Variants in ATG4B observed in about 807,000 individuals in gnomAD.
The protein encoded by ATG4B is autophagy related 4B cysteine peptidase.
ATG4B carries 29 observed loss-of-function variants against 56.6 expected under a neutral mutation model. The ratio of observed to expected loss-of-function variants is 0.51; its 90% CI spans 0.38 to 0.70. ATG4B has a LOEUF of 0.70. Ranked by LOEUF, ATG4B falls within the 30% of genes least tolerant of loss-of-function variation. The probability of loss-of-function intolerance (pLI) is 0.00; values close to 1 mark genes in which losing one functional copy is unlikely to be tolerated. For missense variants in ATG4B, 461 were observed against 515.5 expected (o/e 0.89, Z 1.02); for synonymous variants, 224 against 206.1 (o/e 1.09, Z -0.74).
chr2:241,639,014 G>A (rs796343408), intron 1 of ATG4B, among the ~76,000 whole-genome samples: 155 of 152,288 alleles, frequency 1.0e-3, no homozygotes, highest in African/African-American at 3.6e-3. Context: ...GTCCAGGCTC[G>A]CCGCAGGAGA....
chr2:241,666,203 T>C (rs962813802), intron 7 of ATG4B, among the ~76,000 whole-genome samples: 1 of 152,154 alleles, frequency 6.6e-6, no homozygotes, highest in Non-Finnish European at 1.5e-5. Flanking sequence ...CACCCTCCGG[T>C]TGATGTGTCC....
At chr2:241,656,140 C>G (rs1202042137) in intron 6 of ATG4B, among the ~76,000 whole-genome samples, 1 of 152,164 alleles carries the variant, frequency 6.6e-6, no homozygotes, top group Non-Finnish European at 1.5e-5. Flanking sequence ...GTATCCCACT[C>G]AAGGCCCTCA....
intron 7 of ATG4B, among the ~76,000 whole-genome samples, chr2:241,662,585 A>C (rs556309207): frequency 5.3e-4 from 81 of 152,232 alleles, no homozygotes; most frequent in Non-Finnish European, 8.5e-4. Flanking sequence ...GCACAGAAGC[A>C]ACCGGCCCAG....
At chr2:241,653,454 C>T (rs1031723203) in intron 3 of ATG4B, 58 bp from the exon 4 acceptor site, 25 of 1,551,744 alleles carry the variant, frequency 1.6e-5, no homozygotes, top group Non-Finnish European at 2.1e-5. Flanking sequence ...TGCCAGTGGG[C>T]TTGTGGCCTG....
chr2:241,643,680 G>GTGTGTGTGTA (rs757565788), intron 1 of ATG4B, among the ~76,000 whole-genome samples: 2 of 128,974 alleles, frequency 1.6e-5, no homozygotes, highest in African/African-American at 6.7e-5. Flanking sequence ...GTGTGTGTGT[G>GTGTGTGTGTA]TATGTATATA....
Position 241,668,872 on chromosome 2 carries a change from C to A in ATG4B, c.957+187C>A. 3.9e-6 allele frequency: 3 copies of A among 778,922 alleles called. No homozygotes were observed. Among genetic ancestry groups the A allele is most frequent in the Non-Finnish European group, 6.0e-6 (3 of 498,458 alleles). The allele number at this position is 778,922 out of a possible 1,614,324, so 48.3% of individuals were successfully genotyped here. On this transcript the variant is annotated intron_variant, in intron 10 of 12. Coordinates refer to ENST00000404914, the MANE Select transcript of ATG4B (RefSeq NM_013325.5). The surrounding 1 kb of genome is among the most constrained non-coding windows in gnomAD (Gnocchi z 4.2). ...TCCTTGCACCCTCACGTCCCTCCCC[C>A]AGGCACCACCTCCTGTGCAGCCTTC...
At chr2:241,658,424 C>T (rs893746934) in intron 6 of ATG4B, among the ~76,000 whole-genome samples, 4 of 152,170 alleles carry the variant, frequency 2.6e-5, no homozygotes, top group Non-Finnish European at 1.5e-5. Context: ...ACCCAGCTCC[C>T]CTCCACAGGT....
At position 241,673,379 on chromosome 2, in the gene ATG4B, A is replaced by G. The variant is rs1575098487; in HGVS notation, c.*1115A>G. On this transcript the variant is annotated 3_prime_UTR_variant, in exon 13 of 13. Coordinates refer to ENST00000404914, the MANE Select transcript of ATG4B (RefSeq NM_013325.5). ...TGTCCTGGGAAAGTATCTTTGCCCC[A>G]CTAGGAAATGTAAACAGGAGGGCTT... is the stretch of plus-strand genomic sequence containing the variant. The G allele has an allele frequency of 2.8e-6, 1 of 362,230 alleles. No homozygotes were observed. Among genetic ancestry groups the G allele is most frequent in the African/African-American group, 2.1e-5 (1 of 46,920 alleles). The allele number at this position is 362,230 out of a possible 1,614,324, so 22.4% of individuals were successfully genotyped here. A position where few individuals can be genotyped will look rare whatever the true frequency, so the allele number is the denominator to read the frequency against.
intron 1 of ATG4B, among the ~76,000 whole-genome samples, chr2:241,643,778 G>C (rs1456422528): frequency 6.7e-6 from 1 of 149,794 alleles, no homozygotes; most frequent in Non-Finnish European, 1.5e-5. Flanking sequence ...GGCCAGGCTG[G>C]TCTTGAACCC....
Position 241,673,264 on chromosome 2 carries a change from A to G in ATG4B, c.*1000A>G, listed in dbSNP as rs894702627. On this transcript the variant is annotated 3_prime_UTR_variant, in exon 13 of 13. Coordinates refer to ENST00000404914, the MANE Select transcript of ATG4B (RefSeq NM_013325.5). ...CACCTGGTGGCATTTCCAGAACCTC[A>G]GCCCCGATTCCAGCACCCACCACCG... 3 of 327,232 alleles carry G rather than the reference A, an allele frequency of 9.2e-6. No individual in the cohort carries two copies. Among genetic ancestry groups the G allele is most frequent in the East Asian group, 1.5e-4 (2 of 13,130 alleles). The allele number at this position is 327,232 out of a possible 1,614,324, so 20.3% of individuals were successfully genotyped here.
chr2:241,642,889 TTTTTTTTTTA>T (rs1224211208), intron 1 of ATG4B, among the ~76,000 whole-genome samples: 1 of 131,802 alleles, frequency 7.6e-6, no homozygotes, highest in African/African-American at 3.0e-5. Flanking sequence ...TTTTTTTTTT[TTTTTTTTTTA>T]AGACGGAGTC....
At chr2:241,642,620 G>A (rs2067926990) in intron 1 of ATG4B, among the ~76,000 whole-genome samples, 1 of 151,312 alleles carries the variant, frequency 6.6e-6, no homozygotes. Context: ...GGTACTAAAT[G>A]GAGAGAAGTT....
At chr2:241,650,528 G>A (rs1217373422) in intron 1 of ATG4B, among the ~76,000 whole-genome samples, 1 of 152,142 alleles carries the variant, frequency 6.6e-6, no homozygotes, top group Non-Finnish European at 1.5e-5. Context: ...CATGGAAAAC[G>A]ACTCTTTGCC....
chr2:241,658,355 CT>C (rs2068478841), intron 6 of ATG4B, among the ~76,000 whole-genome samples: 1 of 152,116 alleles, frequency 6.6e-6, no homozygotes, highest in Non-Finnish European at 1.5e-5. Context: ...AGTGTCCCCC[CT>C]GGGCTTGTGC....
chr2:241,650,256 G>C (rs2068189399), intron 1 of ATG4B, among the ~76,000 whole-genome samples: 1 of 152,206 alleles, frequency 6.6e-6, no homozygotes, highest in Non-Finnish European at 1.5e-5. Context: ...AACAGGTTCA[G>C]TCCTTGATCA....
At chr2:241,648,007 G>A (rs1037760129) in intron 1 of ATG4B, among the ~76,000 whole-genome samples, 30 of 152,070 alleles carry the variant, frequency 2.0e-4, no homozygotes, top group African/African-American at 7.0e-4. Context: ...CCAGCTACTC[G>A]GGAGGATGAG....
At chr2:241,638,816 T>A (rs2067778134) in intron 1 of ATG4B, among the ~76,000 whole-genome samples, 1 of 152,220 alleles carries the variant, frequency 6.6e-6, no homozygotes, top group Admixed American at 6.5e-5. Flanking sequence ...CTTGTGAAGT[T>A]TGTCTTTTAG....
At chr2:241,652,608 C>G (rs921432774) in intron 3 of ATG4B, among the ~76,000 whole-genome samples, 1 of 152,200 alleles carries the variant, frequency 6.6e-6, no homozygotes, top group Non-Finnish European at 1.5e-5. Context: ...GCAGTTCTCC[C>G]TCCTCAGCCT....
intron 1 of ATG4B, among the ~76,000 whole-genome samples, chr2:241,647,046 A>G (rs1381097531): frequency 6.6e-6 from 1 of 151,850 alleles, no homozygotes; most frequent in African/African-American, 2.4e-5. Flanking sequence ...GGCCTCCCCA[A>G]GTGCTGGGAT....
Sources: allele counts gnomAD v4.1 joint callset (sites outside exome capture counted in the v4.1 genomes callset), GRCh38; gene constraint gnomAD v4.1.1; non-coding constraint Gnocchi (gnomAD v3.1); transcripts MANE v1.5; gene names NCBI Gene and HGNC (gene_info 2026-07-23, HGNC 2026-07-21).